The following REV1 variants were observed in gnomAD, a reference collection of about 807,000 sequenced individuals.
REV1 encodes REV1 DNA directed polymerase, also known as translesion synthesis protein REV1.
A neutral mutation model predicts 137.4 loss-of-function variants in REV1; 42 were observed. The observed-to-expected ratio is 0.31, with a 90% confidence interval of 0.24 to 0.40. REV1 has a LOEUF of 0.40. REV1 is among the 10% of genes least tolerant of loss of function. REV1 has a pLI of 1.00. For missense variants in REV1, 1,282 were observed against 1,490.1 expected (o/e 0.86, Z 2.30); for synonymous variants, 524 against 519.2 (o/e 1.01, Z -0.12).
intron 3 of REV1, 144 bp downstream of exon 3, chr2:99,462,351 GA>G: frequency 1.3e-6 from 1 of 745,314 alleles, no homozygotes; most frequent in East Asian, 3.0e-5. Flanking sequence ...AAAGGAAAAA[GA>G]AGTATCTAAG....
chr2:99,449,989 TTAG>T (rs1271264640), intron 3 of REV1, among the ~76,000 whole-genome samples: 16 of 152,300 alleles, frequency 1.1e-4, no homozygotes, highest in African/African-American at 3.1e-4. Context: ...GTAGGGCTTA[TTAG>T]TAGATTTTAC....
chr2:99,443,154 T>C (rs1681729438), intron 4 of REV1, among the ~76,000 whole-genome samples: 1 of 152,244 alleles, frequency 6.6e-6, no homozygotes, highest in Non-Finnish European at 1.5e-5. Flanking sequence ...GAGTTATATA[T>C]GGCTACTCTA....
At position 99,485,426 on chromosome 2, in the gene REV1, G is replaced by C. The variant is rs907156516; in HGVS notation, c.-11+4391C>G. On this transcript the variant is annotated intron_variant, in intron 1 of 22. Transcript: ENST00000258428. Reference sequence around the variant, plus strand: ...TATAATCTGAGGGGAAAAACCCAGTGAAAGAAGGGAGAAACTGAACACAAC... The same window carrying C: ...TATAATCTGAGGGGAAAAACCCAGTCAAAGAAGGGAGAAACTGAACACAAC... Among the ~76,000 whole-genome samples, 148 of 152,308 alleles carry C rather than the reference G, an allele frequency of 9.7e-4. 1 individual carries two copies. Among genetic ancestry groups the C allele is most frequent in the Non-Finnish European group, 3.1e-4 (21 of 68,022 alleles).
intron 3 of REV1, among the ~76,000 whole-genome samples, chr2:99,462,279 G>A (rs1289488483): frequency 6.6e-6 from 1 of 152,164 alleles, no homozygotes; most frequent in Non-Finnish European, 1.5e-5. Context: ...AACCTCACGT[G>A]ACTTTTTGAA....
rs1166219217 is a variant in REV1, at chr2:99,442,305, A to G, written c.503+12T>C. 1 of 1,594,100 alleles carries G rather than the reference A, an allele frequency of 6.3e-7. No homozygotes were observed. The highest frequency in any genetic ancestry group is 1.4e-5 in the African/African-American group (1 of 73,436). On this transcript the variant is annotated intron_variant, in intron 5 of 22. Coordinates refer to ENST00000258428, the MANE Select transcript of REV1 (RefSeq NM_016316.4). ...ACCAGCTTTGCAGTAATCCCCAACT[A>G]GACAAACTTACACCCTGTTGTTGAG... is the stretch of plus-strand genomic sequence containing the variant.
At chr2:99,489,541 C>T (rs1056568397) in intron 1 of REV1, among the ~76,000 whole-genome samples, 2 of 147,646 alleles carry the variant, frequency 1.4e-5, no homozygotes, top group African/African-American at 4.9e-5. Context: ...GGGCTGGCGG[C>T]GGCGCGGGGC....
At chr2:99,404,788 G>C in intron 17 of REV1, 111 bp from the exon 18 acceptor site, 1 of 773,090 alleles carries the variant, frequency 1.3e-6, no homozygotes, top group Non-Finnish European at 2.1e-6. Context: ...GATAATCAAT[G>C]TAAGGTACAG....
At chr2:99,469,209 CT>C (rs922908048) in intron 1 of REV1, among the ~76,000 whole-genome samples, 6 of 152,116 alleles carry the variant, frequency 3.9e-5, no homozygotes, top group Admixed American at 6.5e-5. Flanking sequence ...AGCAGCCATG[CT>C]TTTTTTCCCC....
chr2:99,473,064 G>A (rs1162476473), intron 1 of REV1, among the ~76,000 whole-genome samples: 6 of 152,018 alleles, frequency 3.9e-5, no homozygotes, highest in Non-Finnish European at 7.4e-5. Flanking sequence ...TCTCACCAAG[G>A]TATATAAAAC....
Position 99,454,376 on chromosome 2 carries a change from C to A in REV1, c.182-4872G>T, listed in dbSNP as rs146178709. Among the ~76,000 whole-genome samples the A allele has an allele frequency of 2.6e-4, 40 of 151,708 alleles. No individual in the cohort carries two copies. In the East Asian group the frequency reaches 6.8e-3, roughly 26 times the overall value. ...ACCAAGTCTGACCAACATGGAGAAA[C>A]CCCGTCACTACTAAAAATACAAAAT... is the stretch of plus-strand genomic sequence containing the variant. On this transcript the variant is annotated intron_variant, in intron 3 of 22. Transcript: ENST00000258428.
At chr2:99,409,140 A>C (rs1442871440) in intron 14 of REV1, among the ~76,000 whole-genome samples, 2 of 152,214 alleles carry the variant, frequency 1.3e-5, no homozygotes, top group African/African-American at 4.8e-5. Flanking sequence ...TAAATAAATA[A>C]ATGACCACTA....
At position 99,401,244 on chromosome 2, in the gene REV1, T is replaced by C. The variant is rs1675354295; in HGVS notation, c.3753A>G (p.Thr1251=). Residue 1251 remains threonine (T), a synonymous_variant, in exon 23 of 23, where the codon ACA becomes ACG. Coordinates refer to ENST00000258428, the MANE Select transcript of REV1 (RefSeq NM_016316.4). ...QQTYGSTLKV[T] is the part of the protein sequence containing the mutation. ...GCATCAGGCTCTCTGGTAATATTTA[T>C]GTAACTTTTAATGTGCTTCCATAAG... 3 of 1,593,130 alleles carry C rather than the reference T, an allele frequency of 1.9e-6. No homozygotes were observed. The highest frequency in any genetic ancestry group is 1.7e-6 in the Non-Finnish European group (2 of 1,161,142).
In REV1 at chr2:99,439,284, G is replaced by T; in HGVS notation, c.530C>A (p.Thr177Lys). The T allele has an allele frequency of 6.2e-7, 1 of 1,612,074 alleles. No homozygotes were observed. Among genetic ancestry groups the T allele is most frequent in the Non-Finnish European group, 8.5e-7 (1 of 1,178,666 alleles). ...RVNHIVKKIE[T>K]ENEVKVNGMN... Reference sequence around the variant, plus strand: ...GCCATTGACTTTGACTTCATTTTCCGTTTCAATCTTCTTAACGATGTGATT... The same window carrying T: ...GCCATTGACTTTGACTTCATTTTCCTTTTCAATCTTCTTAACGATGTGATT... Residue 177 changes from threonine to lysine, a missense_variant, in exon 6 of 23, where the codon ACG becomes AAG. By Grantham distance (78) the Thr-to-Lys change is moderately conservative. Coordinates refer to ENST00000258428, the MANE Select transcript of REV1 (RefSeq NM_016316.4).
chr2:99,431,630 A>G, intron 8 of REV1: 1 of 697,300 alleles, frequency 1.4e-6, no homozygotes, highest in Non-Finnish European at 1.8e-6. Context: ...TGTCTTGAAA[A>G]TAACAGAAAA....
chr2:99,444,933 T>C (rs1214894876), intron 4 of REV1, among the ~76,000 whole-genome samples: 2 of 152,200 alleles, frequency 1.3e-5, no homozygotes, highest in South Asian at 4.1e-4. Context: ...AAAAAATCCA[T>C]CTTTATCCAA....
chr2:99,406,261 C>A (rs1676280327), intron 16 of REV1, 64 bp downstream of exon 16: 1 of 1,499,628 alleles, frequency 6.7e-7, no homozygotes, highest in Non-Finnish European at 8.9e-7. Context: ...ATTTTAAAAC[C>A]AACTGCCGTC....
intron 1 of REV1, among the ~76,000 whole-genome samples, chr2:99,483,060 A>T (rs1003893392): frequency 1.3e-5 from 2 of 151,738 alleles, no homozygotes; most frequent in African/African-American, 2.4e-5. Context: ...GGTCTTTAAG[A>T]TATTGAAGAA....
In REV1 at chr2:99,442,252, C is replaced by CAAAAAAAAAAAAAAAAAAAAAAAAAA. The variant is rs3070575; in HGVS notation, c.503+64_503+65insTTTTTTTTTTTTTTTTTTTTTTTTTT. 3 of 536,856 alleles carry CAAAAAAAAAAAAAAAAAAAAAAAAAA rather than the reference C, an allele frequency of 5.6e-6. No individual in the cohort carries two copies. In the African/African-American group the frequency reaches 1.4e-4, roughly 25 times the overall value. The allele number at this position is 536,856 out of a possible 1,614,324, so 33.3% of individuals were successfully genotyped here. ...CGGCAACAAGAGCAAAACTCCATCT[C>CAAAAAAAAAAAAAAAAAAAAAAAAAA]AAAAAAAAAAAAAAAAAAAAAAAAC... On this transcript the variant is annotated intron_variant, in intron 5 of 22. Transcript: ENST00000258428.
chr2:99,450,153 C>T (rs1682755943), intron 3 of REV1, among the ~76,000 whole-genome samples: 1 of 151,968 alleles, frequency 6.6e-6, no homozygotes, highest in African/African-American at 2.4e-5. Flanking sequence ...AACCAAGAAA[C>T]ACCAATTTTT....
Sources: gnomAD v4.1 joint callset for allele counts (sites outside exome capture counted in the v4.1 genomes callset) on GRCh38, gnomAD v4.1.1 for gene constraint, MANE v1.5 for transcripts, NCBI Gene and HGNC (gene_info 2026-07-23, HGNC 2026-07-21) for gene names.